The following PHF21A variants were observed in gnomAD, a reference collection of about 807,000 sequenced individuals.
The protein encoded by PHF21A is PHD finger protein 21A.
Under a neutral mutation model 82.5 loss-of-function variants are expected in PHF21A, and 11 were observed. The observed-to-expected ratio is 0.13, with a 90% CI of 0.08 to 0.22. The LOEUF is 0.22. PHF21A is among the 10% of genes least tolerant of loss of function. The pLI is 1.00. For synonymous variants in PHF21A, 297 were observed against 302.8 expected (o/e 0.98, Z 0.20); for missense variants, 579 against 837.8 (o/e 0.69, Z 3.81).
At chr11:45,950,588 G>A (rs1002061831) in intron 11 of PHF21A, among the ~76,000 whole-genome samples, 7 of 152,156 alleles carry the variant, frequency 4.6e-5, no homozygotes, top group African/African-American at 1.7e-4. Context: ...GAATTTGTGT[G>A]GGGCCGCATT....
At chr11:46,021,272 G>C (rs1305149848) in intron 6 of PHF21A, among the ~76,000 whole-genome samples, 1 of 152,114 alleles carries the variant, frequency 6.6e-6, no homozygotes, top group Non-Finnish European at 1.5e-5. Context: ...CTGTTGCCCA[G>C]GCTGGTCTTG....
rs2096885069 is a variant in PHF21A, at chr11:46,088,684, T to C, written c.-84+1771A>G. Among the ~76,000 whole-genome samples, 3 of 152,234 alleles carry C rather than the reference T, an allele frequency of 2.0e-5. 1 individual carries two copies. In the South Asian group the frequency reaches 6.2e-4, roughly 31 times the overall value. On this transcript the variant is annotated intron_variant, in intron 3 of 18. Transcript: ENST00000676320. Reference sequence around the variant, plus strand: ...TTGTGGTTTAAATAAGGCAAAATTATATGAAAAGCCCTTTGCAAACTGTAA... The same window carrying C: ...TTGTGGTTTAAATAAGGCAAAATTACATGAAAAGCCCTTTGCAAACTGTAA...
At chr11:46,036,939 G>A (rs531200255) in intron 6 of PHF21A, among the ~76,000 whole-genome samples, 1 of 152,198 alleles carries the variant, frequency 6.6e-6, no homozygotes, top group Admixed American at 6.5e-5. Context: ...TTGAACTCCT[G>A]GCCTCAGGCA....
chr11:46,006,500 C>A (rs553051882), intron 6 of PHF21A, among the ~76,000 whole-genome samples: 1 of 152,334 alleles, frequency 6.6e-6, no homozygotes, highest in African/African-American at 2.4e-5. Flanking sequence ...ATATAAATAA[C>A]AAGGAGTCTA....
intron 3 of PHF21A, among the ~76,000 whole-genome samples, chr11:46,088,704 CTG>C (rs2096885363): frequency 6.6e-6 from 1 of 152,178 alleles, no homozygotes; most frequent in Admixed American, 6.5e-5. Context: ...CCTTTGCAAA[CTG>C]TAAAGTTTTA....
At chr11:46,050,733 T>C (rs1285251437) in intron 6 of PHF21A, among the ~76,000 whole-genome samples, 1 of 152,218 alleles carries the variant, frequency 6.6e-6, no homozygotes, top group African/African-American at 2.4e-5. Flanking sequence ...TGGGAATTAA[T>C]AAGATTTTTA....
At chr11:46,032,811 G>A (rs868432669) in intron 6 of PHF21A, among the ~76,000 whole-genome samples, 3 of 151,868 alleles carry the variant, frequency 2.0e-5, no homozygotes, top group African/African-American at 7.3e-5. Context: ...ACTGAGCATC[G>A]CTTCATATTT....
intron 6 of PHF21A, among the ~76,000 whole-genome samples, chr11:46,015,009 T>A (rs934814925): frequency 6.7e-6 from 1 of 148,248 alleles, no homozygotes; most frequent in South Asian, 2.1e-4. Context: ...AATAAAAAAA[T>A]AAAAAAAAAT....
At chr11:45,967,298 G>A (rs570433534) in intron 9 of PHF21A, among the ~76,000 whole-genome samples, 9 of 151,914 alleles carry the variant, frequency 5.9e-5, no homozygotes, top group Admixed American at 3.9e-4. Context: ...AACCTGGGAC[G>A]TGGAGGTTGC....
intron 11 of PHF21A, 55 bp downstream of exon 11, chr11:45,953,472 T>C (rs1330100090): frequency 6.5e-6 from 7 of 1,081,704 alleles, no homozygotes; most frequent in Non-Finnish European, 1.0e-5. Context: ...TCCTGGTACA[T>C]GAGAATAAAC....
rs1312206585 is a variant in PHF21A, at chr11:45,965,588, G to A, written c.723C>T (p.Ala241=). The change falls in exon 10 of 19, where the codon GCC becomes GCT. Residue 241 remains alanine (A), a synonymous_variant. Transcript: ENST00000676320. Reference sequence around the variant, plus strand: ...CTGGGGCAATAGGAATGTTATTCTGGGCCACAGGCTTGGGTCGAACCTATA... The same window carrying A: ...CTGGGGCAATAGGAATGTTATTCTGAGCCACAGGCTTGGGTCGAACCTATA... ...FLPQVRPKPV[A]QNNIPIAPAP... is the part of the protein sequence containing the mutation. 5.1e-6 allele frequency: 8 copies of A among 1,562,648 alleles called. No individual in the cohort carries two copies. Among genetic ancestry groups the A allele is most frequent in the Non-Finnish European group, 6.9e-6 (8 of 1,152,192 alleles).
intron 6 of PHF21A, among the ~76,000 whole-genome samples, chr11:46,062,738 A>C (rs1003853435): frequency 6.6e-6 from 1 of 152,210 alleles, no homozygotes; most frequent in Non-Finnish European, 1.5e-5. Context: ...AAAATAGTAC[A>C]ATCACTTTGG....
intron 6 of PHF21A, among the ~76,000 whole-genome samples, chr11:46,069,703 T>C (rs747288742): frequency 7.2e-5 from 11 of 152,230 alleles, no homozygotes; most frequent in Non-Finnish European, 1.3e-4. Flanking sequence ...GATTCTAGTA[T>C]TGAATCTCAT....
At chr11:46,049,267 C>T (rs1437276040) in intron 6 of PHF21A, 2 of 330,132 alleles carry the variant, frequency 6.1e-6, no homozygotes, top group Non-Finnish European at 1.2e-5. Context: ...AGTCCTCTAT[C>T]ATTTCTCAAA....
At chr11:45,963,393 T>C (rs2959089) in intron 10 of PHF21A, among the ~76,000 whole-genome samples, 129,424 of 147,162 alleles carry the variant, frequency 0.88, 57,127 homozygotes, top group East Asian at 1. Context: ...GCACTCCAGC[T>C]TGGGTGACAA....
At position 45,965,307 on chromosome 11, in the gene PHF21A, G is replaced by C; in HGVS notation, c.996+8C>G. The C allele has an allele frequency of 6.2e-7, 1 of 1,612,956 alleles. No homozygotes were observed. The highest frequency in any genetic ancestry group is 8.5e-7 in the Non-Finnish European group (1 of 1,179,410). On this transcript the variant is annotated splice_region_variant and intron_variant, in intron 10 of 18. Transcript: ENST00000676320. ...ACTGCCCAGAGCAGGTACATACTCT[G>C]CCTGTACCTGTTTTTCAAGACTTGG...
chr11:46,038,130 T>C (rs970738531), intron 6 of PHF21A, among the ~76,000 whole-genome samples: 13 of 148,292 alleles, frequency 8.8e-5, no homozygotes, highest in African/African-American at 1.2e-4. Flanking sequence ...CTCTCTCTCT[T>C]TTTTTTTTTA....
At chr11:46,076,689 G>T in intron 6 of PHF21A, 65 bp downstream of exon 6, 1 of 1,276,124 alleles carries the variant, frequency 7.8e-7, no homozygotes, top group Non-Finnish European at 1.1e-6. Flanking sequence ...TCTCTTAGAA[G>T]CCTCGAGCAG....
At position 46,084,220 on chromosome 11, in the gene PHF21A, C is replaced by A. The variant is rs749861689; in HGVS notation, c.-1G>T. 6.3e-6 allele frequency: 10 copies of A among 1,597,846 alleles called. No homozygotes were observed. In the East Asian group the frequency reaches 2.3e-4, roughly 37 times the overall value. On this transcript the variant is annotated 5_prime_UTR_variant, in exon 4 of 19. Transcript: ENST00000676320. ...CCTCCTGTAGAGTCTGCAACTCCAT[C>A]CTCTACCTTCTCCACTTTCTCTGCT...
Sources: gnomAD v4.1 joint callset for allele counts (sites outside exome capture counted in the v4.1 genomes callset) on GRCh38, gnomAD v4.1.1 for gene constraint, MANE v1.5 for transcripts, NCBI Gene and HGNC (gene_info 2026-07-23, HGNC 2026-07-21) for gene names.